Variants in ITPR1 observed in about 807,000 individuals in gnomAD.
ITPR1 encodes inositol 1,4,5-trisphosphate-gated calcium channel ITPR1.
A neutral mutation model predicts 318.4 loss-of-function variants in ITPR1; 96 were observed. The observed-to-expected ratio is 0.30, with a 90% CI of 0.26 to 0.36. The LOEUF (loss-of-function observed/expected upper bound fraction) is 0.36, where lower values mean the gene tolerates loss of function less well. Ranked by LOEUF, ITPR1 falls within the 10% of genes least tolerant of loss-of-function variation. ITPR1 has a pLI of 1.00. For synonymous variants in ITPR1, 1,312 were observed against 1,289.9 expected (o/e 1.02, Z -0.37); for missense variants, 2,440 against 3,460.2 (o/e 0.71, Z 7.40).
At chr3:4,628,532 G>C (rs1312424409) in intron 5 of ITPR1, among the ~76,000 whole-genome samples, 1 of 152,212 alleles carries the variant, frequency 6.6e-6, no homozygotes, top group Non-Finnish European at 1.5e-5. Flanking sequence ...TAATCAGGAA[G>C]TTCTCTGAGA....
At chr3:4,614,952 T>C (rs2092325720) in intron 4 of ITPR1, among the ~76,000 whole-genome samples, 1 of 152,240 alleles carries the variant, frequency 6.6e-6, no homozygotes, top group Non-Finnish European at 1.5e-5. Context: ...GCTAGGACTC[T>C]TGTTTGCAAA....
chr3:4,830,865 C>T, intron 60 of ITPR1: 1 of 453,238 alleles, frequency 2.2e-6, no homozygotes, highest in Non-Finnish European at 4.5e-6. Flanking sequence ...CCCCCTCACC[C>T]TCAACGCCTC....
chr3:4,534,660 C>T (rs912948294), intron 4 of ITPR1, among the ~76,000 whole-genome samples: 6 of 152,056 alleles, frequency 3.9e-5, no homozygotes, highest in East Asian at 1.9e-4. Context: ...GGTATTTTTC[C>T]GGGTACATTT....
At chr3:4,831,977 C>A (rs1029370577) in intron 60 of ITPR1, among the ~76,000 whole-genome samples, 9 of 152,216 alleles carry the variant, frequency 5.9e-5, no homozygotes, top group African/African-American at 1.7e-4. Context: ...TCCTACTGCA[C>A]AGGATGCAAA....
At chr3:4,754,654 A>C (rs1193262991) in intron 44 of ITPR1, among the ~76,000 whole-genome samples, 2 of 152,198 alleles carry the variant, frequency 1.3e-5, no homozygotes, top group African/African-American at 4.8e-5. Context: ...TCCTTGGACA[A>C]AAGTCCTTCC....
intron 43 of ITPR1, among the ~76,000 whole-genome samples, chr3:4,734,775 G>A (rs762473571): frequency 5.3e-5 from 8 of 152,228 alleles, no homozygotes; most frequent in Non-Finnish European, 1.2e-4. Flanking sequence ...TATAGGCTGA[G>A]CTTCCTTGAG....
At chr3:4,568,158 T>C (rs1204315829) in intron 4 of ITPR1, among the ~76,000 whole-genome samples, 1 of 152,210 alleles carries the variant, frequency 6.6e-6, no homozygotes, top group Non-Finnish European at 1.5e-5. Context: ...GGTCATTACA[T>C]AGAGTTTGTG....
chr3:4,768,965 A>G (rs1353186601), intron 46 of ITPR1, among the ~76,000 whole-genome samples: 1 of 149,398 alleles, frequency 6.7e-6, no homozygotes, highest in African/African-American at 2.5e-5. Context: ...GCTGGAGTAC[A>G]GTGGCGTGAT....
intron 4 of ITPR1, among the ~76,000 whole-genome samples, chr3:4,621,027 G>A (rs62231565): frequency 6.6e-5 from 10 of 151,262 alleles, no homozygotes; most frequent in African/African-American, 1.9e-4. Flanking sequence ...TGGATGTTTC[G>A]TATGCATCTC....
chr3:4,577,219 T>C (rs2088777571), intron 4 of ITPR1, among the ~76,000 whole-genome samples: 1 of 152,230 alleles, frequency 6.6e-6, no homozygotes, highest in African/African-American at 2.4e-5. Flanking sequence ...GCCACACGGC[T>C]CTCTGTGCAG....
chr3:4,666,720 G>T lies in ITPR1; in HGVS notation c.1714-657G>T, dbSNP rs116086947. On this transcript the variant is annotated intron_variant, in intron 17 of 61. Transcript: ENST00000649015. ...AATTTTGAGCAAGCAGTCTATCTTG[G>T]CCAGGGAAGCATCTTTGAACAGAAA... Among the ~76,000 whole-genome samples, 993 of 152,256 alleles carry T rather than the reference G, an allele frequency of 6.5e-3. 6 individuals carry two copies. The highest frequency in any genetic ancestry group is 0.023 in the African/African-American group (969 of 41,552).
rs771225811 is a variant in ITPR1, at chr3:4,665,199, A to G, written c.1616A>G (p.Glu539Gly). 4.3e-6 allele frequency: 7 copies of G among 1,613,914 alleles called. No individual in the cohort carries two copies. Among genetic ancestry groups the G allele is most frequent in the Non-Finnish European group, 5.1e-6 (6 of 1,179,874 alleles). ...DCGDGPMLRL[E>G]ELGDQRHAPF... Reference sequence around the variant, plus strand: ...GGTGATGGCCCAATGCTTCGGCTGGAAGAGCTCGGGGACCAGCGGCACGCT... The same window carrying G: ...GGTGATGGCCCAATGCTTCGGCTGGGAGAGCTCGGGGACCAGCGGCACGCT... The change falls in exon 17 of 62, where the codon GAA (glutamate) becomes GGA (glycine). Residue 539 changes from glutamate to glycine, a missense_variant. Coordinates refer to ENST00000649015, the MANE Select transcript of ITPR1 (RefSeq NM_001378452.1).
chr3:4,618,973 C>T (rs2092492486), intron 4 of ITPR1, among the ~76,000 whole-genome samples: 1 of 152,202 alleles, frequency 6.6e-6, no homozygotes, highest in Non-Finnish European at 1.5e-5. Flanking sequence ...CAACCTCCAG[C>T]AGCTTCCTGA....
chr3:4,764,056 C>A (rs1326804838), intron 44 of ITPR1, among the ~76,000 whole-genome samples: 3 of 152,204 alleles, frequency 2.0e-5, no homozygotes, highest in Non-Finnish European at 2.9e-5. Flanking sequence ...TGGTGCACCC[C>A]AGCTTTAGCG....
At chr3:4,784,726 C>CAAAAAAA (rs34856837) in intron 51 of ITPR1, among the ~76,000 whole-genome samples, 2 of 109,502 alleles carry the variant, frequency 1.8e-5, no homozygotes, top group African/African-American at 3.6e-5. Context: ...ACTAAAAATA[C>CAAAAAAA]AAAAAAAAAA....
chr3:4,793,337 C>T (rs7634198), intron 52 of ITPR1, among the ~76,000 whole-genome samples: 141,552 of 152,264 alleles, frequency 0.93, 66,119 homozygotes, highest in East Asian at 0.98. Flanking sequence ...CAGACCATCA[C>T]TGAGCTTTGC....
intron 4 of ITPR1, among the ~76,000 whole-genome samples, chr3:4,627,413 G>A (rs368629989): frequency 1.4e-4 from 21 of 152,180 alleles, no homozygotes; most frequent in East Asian, 7.7e-4. Context: ...GCAGTGAGCC[G>A]AGGTTGTGCC....
intron 4 of ITPR1, among the ~76,000 whole-genome samples, chr3:4,521,723 G>A (rs916458353): frequency 6.6e-6 from 1 of 152,112 alleles, no homozygotes; most frequent in Admixed American, 6.5e-5. Flanking sequence ...ACAGAAATTA[G>A]CTGGGTGTGG....
At chr3:4,841,225 A>G (rs552318834) in intron 61 of ITPR1, among the ~76,000 whole-genome samples, 1 of 152,370 alleles carries the variant, frequency 6.6e-6, no homozygotes, top group African/African-American at 2.4e-5. Context: ...CTGATACAGT[A>G]TGAATGACTT....
Sources: gnomAD v4.1 joint callset for allele counts (sites outside exome capture counted in the v4.1 genomes callset) on GRCh38, gnomAD v4.1.1 for gene constraint, MANE v1.5 for transcripts, NCBI Gene and HGNC (gene_info 2026-07-23, HGNC 2026-07-21) for gene names.